The following ZFHX3 variants were observed in gnomAD, a reference collection of about 807,000 sequenced individuals.
ZFHX3 encodes the protein zinc finger homeobox protein 3.
A neutral mutation model predicts 279.1 loss-of-function variants in ZFHX3; 42 were observed. The observed-to-expected ratio is 0.15, with a 90% CI of 0.12 to 0.19. ZFHX3 has a LOEUF of 0.19. Ranked by LOEUF, ZFHX3 falls within the 10% of genes least tolerant of loss-of-function variation. The pLI is 1.00. For missense variants in ZFHX3, 4,981 were observed against 4,754.0 expected, an observed-to-expected ratio of 1.05 and a Z score of -1.40; for synonymous variants, 2,293 against 1,957.8, an observed-to-expected ratio of 1.17 and a Z score of -4.52.
At chr16:73,577,393 G>C (rs563964239) in intron 2 of ZFHX3, among the ~76,000 whole-genome samples, 2 of 152,112 alleles carry the variant, frequency 1.3e-5, no homozygotes, top group Non-Finnish European at 2.9e-5. Flanking sequence ...ACTGACTAAA[G>C]AGTATATCAT....
intron 2 of ZFHX3, among the ~76,000 whole-genome samples, chr16:73,475,000 A>G (rs1053336744): frequency 5.9e-5 from 9 of 152,164 alleles, no homozygotes; most frequent in South Asian, 2.1e-4. Context: ...TCACTGGGCC[A>G]TTTTCAGGGA....
rs1292434759 is a variant in ZFHX3 at position 72,788,387 on chromosome 16, A to G, written c.9889T>C (p.Ser3297Pro). Reference protein sequence around the residue: ...QLQALQAALTSDPTALLTSQF... With the variant: ...QLQALQAALTPDPTALLTSQF... ...CTTGTGAGCAATGCTGTGGGGTCCG[A>G]AGTCAACGCGGCCTGCAGGGCCTGC... Residue 3297 changes from serine to proline, a missense_variant, in exon 10 of 10, where the codon TCG becomes CCG. This residue lies in a region of ZFHX3 where 1,034 missense variants were observed against 786.0 expected (regional missense o/e 1.32). Transcript: ENST00000268489. The G allele has an allele frequency of 6.2e-7, 1 of 1,614,152 alleles. No individual in the cohort carries two copies. The highest frequency in any genetic ancestry group is 8.5e-7 in the Non-Finnish European group (1 of 1,180,034).
At chr16:73,030,181 T>C (rs1964646164) in intron 1 of ZFHX3, among the ~76,000 whole-genome samples, 1 of 152,286 alleles carries the variant, frequency 6.6e-6, no homozygotes, top group South Asian at 2.1e-4. Flanking sequence ...CTACCTCCAA[T>C]CTTGGAGCCC....
intron 4 of ZFHX3, among the ~76,000 whole-genome samples, chr16:73,312,679 A>G (rs760966137): frequency 4.2e-4 from 64 of 152,212 alleles, no homozygotes; most frequent in African/African-American, 9.9e-4. Context: ...CTTGTTCCTC[A>G]TAGCCACCTT....
chr16:73,730,065 A>C (rs1287612019), intron 1 of ZFHX3, among the ~76,000 whole-genome samples: 1 of 152,214 alleles, frequency 6.6e-6, no homozygotes, highest in Non-Finnish European at 1.5e-5. Context: ...CAAACTGGGC[A>C]GATCAATATC....
chr16:73,304,004 G>C (rs1183099268), intron 4 of ZFHX3, among the ~76,000 whole-genome samples: 2 of 145,422 alleles, frequency 1.4e-5, no homozygotes, highest in Non-Finnish European at 3.0e-5. Flanking sequence ...ATGTAGGAAA[G>C]TCATCTCTCT....
intron 2 of ZFHX3, among the ~76,000 whole-genome samples, chr16:73,675,937 C>T (rs1241659708): frequency 6.6e-6 from 1 of 151,980 alleles, no homozygotes; most frequent in African/African-American, 2.4e-5. Flanking sequence ...AATGGTACAA[C>T]TCAAGAATTG....
chr16:73,622,948 T>C (rs1448181582), intron 2 of ZFHX3, among the ~76,000 whole-genome samples: 1 of 152,176 alleles, frequency 6.6e-6, no homozygotes, highest in African/African-American at 2.4e-5. Context: ...TACCTGGGGG[T>C]GATCTACGTT....
At chr16:73,370,512 G>A (rs906419905) in intron 3 of ZFHX3, among the ~76,000 whole-genome samples, 1 of 152,192 alleles carries the variant, frequency 6.6e-6, no homozygotes, top group African/African-American at 2.4e-5. Flanking sequence ...AACACAAATA[G>A]GAAGCTCAGA....
At chr16:73,339,533 G>T (rs980451959) in intron 3 of ZFHX3, among the ~76,000 whole-genome samples, 1 of 152,120 alleles carries the variant, frequency 6.6e-6, no homozygotes, top group African/African-American at 2.4e-5. Context: ...AGTCTATTTC[G>T]TCTTTTTGTT....
At chr16:73,108,333 TA>T (rs146021477) in intron 7 of ZFHX3, among the ~76,000 whole-genome samples, 51,123 of 147,208 alleles carry the variant, frequency 0.35, 8,968 homozygotes, top group Admixed American at 0.47. Context: ...GACCTTACCT[TA>T]AAAAAAAAAG....
chr16:72,795,199 G>T lies in ZFHX3; in HGVS notation c.7483C>A (p.Pro2495Thr). Residue 2495 changes from proline to threonine, a missense_variant, in exon 9 of 10, where the codon CCC becomes ACC. Coordinates refer to ENST00000268489, the MANE Select transcript of ZFHX3 (RefSeq NM_006885.4). Reference sequence around the variant, plus strand: ...TGGGAAGGACTGGGGCTCGACTGGGGTAAGGGGCACTGTGGAGGGGGCGCT... The same window carrying T: ...TGGGAAGGACTGGGGCTCGACTGGGTTAAGGGGCACTGTGGAGGGGGCGCT... ...PQAPPPQCPL[P>T]QSSPSPSQLS... 1.2e-6 allele frequency: 2 copies of T among 1,607,590 alleles called. No homozygotes were observed. Among genetic ancestry groups the T allele is most frequent in the Non-Finnish European group, 1.7e-6 (2 of 1,176,724 alleles).
intron 1 of ZFHX3, among the ~76,000 whole-genome samples, chr16:72,985,477 A>G (rs1009361248): frequency 5.3e-5 from 8 of 152,150 alleles, no homozygotes; most frequent in African/African-American, 1.7e-4. Flanking sequence ...ACACACGTCA[A>G]TTTTTCCCCA....
chr16:73,624,093 T>C (rs1597033619), intron 2 of ZFHX3, among the ~76,000 whole-genome samples: 1 of 152,346 alleles, frequency 6.6e-6, no homozygotes, highest in Admixed American at 6.5e-5. Flanking sequence ...GTTAATGTAA[T>C]TTTTTAAGCT....
rs993802097 is a variant in ZFHX3 at position 73,486,021 on chromosome 16, T to C, written c.-1546-29763A>G. On this transcript the variant is annotated intron_variant, in intron 2 of 17. Transcript: ENST00000641206. ...AGTTCCTAGCCCAGTGTCTGGCACA[T>C]AGCAGTTGAGCCATAAACATATGTT... is the stretch of plus-strand genomic sequence containing the variant. Among the ~76,000 whole-genome samples, 5 of 152,324 alleles carry C rather than the reference T, an allele frequency of 3.3e-5. No individual in the cohort carries two copies. In the East Asian group the frequency reaches 7.7e-4, roughly 23 times the overall value.
At chr16:73,057,675 G>A (rs1295269233) in intron 1 of ZFHX3, among the ~76,000 whole-genome samples, 2 of 151,764 alleles carry the variant, frequency 1.3e-5, no homozygotes, top group Admixed American at 6.6e-5. Context: ...CCGAGCCCCC[G>A]GGAGCCCCTA....
chr16:73,300,321 T>A (rs1349155254), intron 4 of ZFHX3, among the ~76,000 whole-genome samples: 3 of 150,540 alleles, frequency 2.0e-5, no homozygotes, highest in Non-Finnish European at 4.4e-5. Flanking sequence ...AAAATAAAGA[T>A]TCCATGAGGC....
intron 3 of ZFHX3, among the ~76,000 whole-genome samples, chr16:72,930,937 G>A (rs1959763127): frequency 2.6e-5 from 4 of 152,182 alleles, no homozygotes; most frequent in Non-Finnish European, 4.4e-5. Context: ...ACTAACTCAC[G>A]TGAAATGAGT....
rs1273245163 is a variant in ZFHX3 at position 73,577,998 on chromosome 16, A to G, written c.-1547+102182T>C. ...ATGTTGAGCTTGCTGACTGACGTCAATCACTCCGGCCAAACTGGTTGTTGA... is the reference window on the plus strand; with the variant it reads ...ATGTTGAGCTTGCTGACTGACGTCAGTCACTCCGGCCAAACTGGTTGTTGA... On this transcript the variant is annotated intron_variant, in intron 2 of 17. Coordinates refer to the ZFHX3 transcript ENST00000641206. Among the ~76,000 whole-genome samples, 3 of 152,242 alleles carry G rather than the reference A, an allele frequency of 2.0e-5. No homozygotes were observed. The East Asian group carries it at 5.8e-4, about 29-fold the overall frequency.
Sources: allele counts gnomAD v4.1 joint callset (sites outside exome capture counted in the v4.1 genomes callset), GRCh38; gene constraint gnomAD v4.1.1; regional missense constraint gnomAD v4.1.1; transcripts MANE v1.5; gene names NCBI Gene and HGNC (gene_info 2026-07-23, HGNC 2026-07-21).